The following LDLRAD3 variants were observed in gnomAD, a reference collection of about 807,000 sequenced individuals.
The protein encoded by LDLRAD3 is low-density lipoprotein receptor class A domain-containing protein 3.
LDLRAD3 carries 20 observed loss-of-function variants against 29.4 expected under a neutral mutation model. That is an observed-to-expected ratio of 0.68 (90% CI 0.48 to 0.99). LDLRAD3 has a LOEUF of 0.99. Ranked by LOEUF, LDLRAD3 falls within the 50% of genes least tolerant of loss-of-function variation. LDLRAD3 has a pLI of 0.00. For synonymous variants in LDLRAD3, 157 were observed against 192.7 expected, an observed-to-expected ratio of 0.81 and a Z score of 1.53; for missense variants, 420 against 454.3, an observed-to-expected ratio of 0.92 and a Z score of 0.69.
rs1206768142 is a variant in LDLRAD3 at position 36,229,214 on chromosome 11, G to A, written c.855G>A (p.Leu285=). ...PPPYSSDTES[L]NQADLPPYRS... Reference sequence around the variant, plus strand: ...CCTACTCTTCTGACACGGAATCTCTGAACCAAGCCGACCTGCCCCCCTACC... The same window carrying A: ...CCTACTCTTCTGACACGGAATCTCTAAACCAAGCCGACCTGCCCCCCTACC... Residue 285 remains leucine (L), a synonymous_variant, in exon 6 of 6, where the codon CTG becomes CTA. Transcript: ENST00000315571. The A allele has an allele frequency of 6.2e-7, 1 of 1,613,778 alleles. No homozygotes were observed. Among genetic ancestry groups the A allele is most frequent in the Non-Finnish European group, 8.5e-7 (1 of 1,179,996 alleles).
At chr11:36,037,229 G>T (rs954738940) in intron 2 of LDLRAD3, among the ~76,000 whole-genome samples, 4 of 152,326 alleles carry the variant, frequency 2.6e-5, no homozygotes, top group Middle Eastern at 3.4e-3. Flanking sequence ...TGGCCTGTCT[G>T]ACAGGAGAAC....
Position 35,944,105 on chromosome 11 carries a change from C to T in LDLRAD3, c.7C>T (p.Leu3=). Residue 3 remains leucine (L), a synonymous_variant, in exon 1 of 6, where the codon CTG becomes TTG. Transcript: ENST00000315571. This position sits in a 1 kb window ranked among gnomAD's most constrained non-coding sequence, Gnocchi z 4.9. MW[L]LGPLCLLLSS... is the part of the protein sequence containing the mutation. ...CGGGAGCGGCGGCCGCGCCATGTGG[C>T]TGCTGGGGCCGCTGTGCCTGCTGCT... The T allele has an allele frequency of 9.3e-7, 1 of 1,071,472 alleles. No individual in the cohort carries two copies. Among genetic ancestry groups the T allele is most frequent in the Middle Eastern group, 4.2e-4 (1 of 2,384 alleles). 66.4% of individuals were successfully genotyped at this position (1,071,472 alleles called of 1,614,324 possible).
At chr11:35,987,053 C>T (rs1041266481) in intron 1 of LDLRAD3, among the ~76,000 whole-genome samples, 46 of 152,310 alleles carry the variant, frequency 3.0e-4, no homozygotes, top group South Asian at 4.1e-4. Flanking sequence ...TTTGAGTATT[C>T]GTCTCATTCA....
chr11:36,040,862 G>A (rs1318791058), intron 2 of LDLRAD3, among the ~76,000 whole-genome samples: 5 of 151,738 alleles, frequency 3.3e-5, no homozygotes, highest in Admixed American at 3.3e-4. Flanking sequence ...ATATTTTTCT[G>A]GTTAATTTAA....
At chr11:36,221,367 C>CAAAA (rs34614422) in intron 4 of LDLRAD3, among the ~76,000 whole-genome samples, 11 of 140,462 alleles carry the variant, frequency 7.8e-5, no homozygotes, top group Admixed American at 2.1e-4. Flanking sequence ...GACTCCATCT[C>CAAAA]AAAAAAAAAA....
In LDLRAD3 at chr11:35,948,322, T is replaced by C. The variant is rs146033773; in HGVS notation, c.46+4178T>C. Among the ~76,000 whole-genome samples, 159 of 152,314 alleles carry C rather than the reference T, an allele frequency of 1.0e-3. 1 individual carries two copies. The South Asian group carries it at 0.011, about 10-fold the overall frequency. ...GGTTTTCTTGTTTGTTCTTTTCCCC[T>C]CTTTCTGTCTTCAAAATATTTAGGA... On this transcript the variant is annotated intron_variant, in intron 1 of 5. Coordinates refer to ENST00000315571, the MANE Select transcript of LDLRAD3 (RefSeq NM_174902.4).
intron 1 of LDLRAD3, among the ~76,000 whole-genome samples, chr11:35,986,640 C>T (rs1459663270): frequency 1.3e-5 from 2 of 152,190 alleles, no homozygotes; most frequent in South Asian, 2.1e-4. Context: ...GAGACTCCAC[C>T]GTCTGCAACA....
At chr11:36,064,530 G>A (rs985361739) in intron 2 of LDLRAD3, among the ~76,000 whole-genome samples, 116 of 142,594 alleles carry the variant, frequency 8.1e-4, no homozygotes, top group African/African-American at 3.0e-3. Flanking sequence ...ATGTTGCCCA[G>A]GCTGGTCTCC....
intron 4 of LDLRAD3, among the ~76,000 whole-genome samples, chr11:36,146,306 G>T (rs558152337): frequency 1.3e-5 from 2 of 152,224 alleles, no homozygotes; most frequent in African/African-American, 2.4e-5. Context: ...TTTGCTTTTA[G>T]ATAATCCATC....
At chr11:36,122,246 C>T (rs956293053) in intron 4 of LDLRAD3, among the ~76,000 whole-genome samples, 2 of 151,872 alleles carry the variant, frequency 1.3e-5, no homozygotes, top group Non-Finnish European at 2.9e-5. Flanking sequence ...TGTGCCCAAG[C>T]GAGGAAGCAA....
chr11:36,064,698 C>G (rs894405031), intron 2 of LDLRAD3, among the ~76,000 whole-genome samples: 2 of 152,108 alleles, frequency 1.3e-5, no homozygotes, highest in African/African-American at 4.8e-5. Flanking sequence ...ATAACTTTCA[C>G]TCTCAGCCTT....
intron 4 of LDLRAD3, among the ~76,000 whole-genome samples, chr11:36,117,866 G>A (rs1405004945): frequency 6.6e-6 from 1 of 152,230 alleles, no homozygotes; most frequent in African/African-American, 2.4e-5. Context: ...GGAAAGAGCT[G>A]GAGAGTGGAA....
At chr11:35,980,840 G>C (rs1306345845) in intron 1 of LDLRAD3, among the ~76,000 whole-genome samples, 1 of 152,180 alleles carries the variant, frequency 6.6e-6, no homozygotes, top group Non-Finnish European at 1.5e-5. Flanking sequence ...CAAGAACAAA[G>C]ATATTTGATA....
At chr11:36,059,358 GAA>G (rs11304561) in intron 2 of LDLRAD3, among the ~76,000 whole-genome samples, 148 of 136,574 alleles carry the variant, frequency 1.1e-3, no homozygotes, top group East Asian at 3.6e-3. Flanking sequence ...CCCTGTCTCA[GAA>G]AAAAAAAAAA....
intron 1 of LDLRAD3, among the ~76,000 whole-genome samples, chr11:35,957,330 A>G (rs117866035): frequency 0.01 from 1,561 of 152,298 alleles, 10 homozygotes; most frequent in Non-Finnish European, 0.014. Context: ...TGCTGGGTGT[A>G]TTCTTTGATG....
intron 1 of LDLRAD3, among the ~76,000 whole-genome samples, chr11:35,977,766 C>T (rs1482990506): frequency 1.3e-5 from 2 of 152,158 alleles, no homozygotes; most frequent in African/African-American, 4.8e-5. Context: ...GGGCGCTCTG[C>T]TTCATAGGTG....
chr11:35,962,467 G>T (rs1025095859), intron 1 of LDLRAD3, among the ~76,000 whole-genome samples: 2 of 152,126 alleles, frequency 1.3e-5, no homozygotes, highest in South Asian at 4.2e-4. Context: ...GCCGTCATCA[G>T]GACTAAGTGG....
intron 1 of LDLRAD3, chr11:36,010,307 G>A (rs1851938683): frequency 6.5e-6 from 1 of 154,360 alleles, no homozygotes; most frequent in Non-Finnish European, 1.5e-5. Context: ...TCAGCAAATA[G>A]TCAAGAGACT....
At chr11:36,082,463 G>A (rs948342942) in intron 3 of LDLRAD3, among the ~76,000 whole-genome samples, 3 of 152,172 alleles carry the variant, frequency 2.0e-5, no homozygotes, top group Non-Finnish European at 4.4e-5. Context: ...AGCTGAGATG[G>A]CACCACTGCA....
Sources: allele counts gnomAD v4.1 joint callset (sites outside exome capture counted in the v4.1 genomes callset), GRCh38; gene constraint gnomAD v4.1.1; non-coding constraint Gnocchi (gnomAD v3.1); transcripts MANE v1.5; gene names NCBI Gene and HGNC (gene_info 2026-07-23, HGNC 2026-07-21).